The following CNN1 variants were observed in gnomAD, a reference collection of about 807,000 sequenced individuals.
The protein encoded by CNN1 is calponin-1.
CNN1 carries 21 observed loss-of-function variants against 35.3 expected under a neutral mutation model. The ratio of observed to expected loss-of-function variants is 0.60; its 90% CI spans 0.42 to 0.86. The LOEUF is 0.86. Among genes scored for constraint, CNN1 ranks in the 40% least tolerant of loss-of-function variants. The pLI, the probability that CNN1 is intolerant of heterozygous loss-of-function variation, is 0.00. For missense variants in CNN1, 314 were observed against 400.8 expected (o/e 0.78, Z 1.85); for synonymous variants, 164 against 161.8 (o/e 1.01, Z -0.10).
In CNN1 at chr19:11,539,882, G is replaced by A. The variant is rs1464885563; in HGVS notation, c.63+892G>A. ...CGCCGCCCTCCTCCCCCCCAGCGCC[G>A]GCCCCAGAGCCGCGCAGAGCCGCGC... is the stretch of plus-strand genomic sequence containing the variant. On this transcript the variant is annotated intron_variant, in intron 1 of 6. Coordinates refer to ENST00000252456, the MANE Select transcript of CNN1 (RefSeq NM_001299.6). 37 of 1,165,572 alleles carry A rather than the reference G, an allele frequency of 3.2e-5. No individual in the cohort carries two copies. In the South Asian group the frequency reaches 4.4e-4, roughly 14 times the overall value. 72.2% of individuals were successfully genotyped at this position (1,165,572 alleles called of 1,614,324 possible).
chr19:11,545,988 AAAAG>A (rs900020709), intron 2 of CNN1, among the ~76,000 whole-genome samples: 2 of 151,664 alleles, frequency 1.3e-5, no homozygotes, highest in Non-Finnish European at 2.9e-5. Context: ...AAAAGAAAAG[AAAAG>A]AAAAAAGAGG....
In CNN1 at chr19:11,549,539, A is replaced by G. The variant is rs750660497; in HGVS notation, c.649-11A>G. On this transcript the variant is annotated splice_polypyrimidine_tract_variant and intron_variant, in intron 6 of 6. Transcript: ENST00000252456. The surrounding 1 kb of genome is among the most constrained non-coding windows in gnomAD (Gnocchi z 5.2). ...GGCCACCCCACGGCCTGACCACACC[A>G]CCCTTCGCAGGCTGGCATGACTGCG... 15 of 1,597,376 alleles carry G rather than the reference A, an allele frequency of 9.4e-6. No individual in the cohort carries two copies. Among genetic ancestry groups the G allele is most frequent in the South Asian group, 1.1e-5 (1 of 89,934 alleles).
At chr19:11,541,031 A>T (rs1050631452) in intron 1 of CNN1, 45 bp from the exon 2 acceptor site, 1 of 1,551,852 alleles carries the variant, frequency 6.4e-7, no homozygotes, top group East Asian at 2.5e-5. Flanking sequence ...CCCCCAATGC[A>T]TCCTCACCCC....
At chr19:11,541,713 C>G (rs1972465389) in intron 2 of CNN1, among the ~76,000 whole-genome samples, 1 of 152,090 alleles carries the variant, frequency 6.6e-6, no homozygotes, top group Non-Finnish European at 1.5e-5. Flanking sequence ...CTCAGCCTCC[C>G]CAATAGCTGG....
chr19:11,550,207 AC>A lies in CNN1; in HGVS notation c.*413del, dbSNP rs1297771563. 1 of 183,444 alleles carries A rather than the reference AC, an allele frequency of 5.5e-6. No individual in the cohort carries two copies. The highest frequency in any genetic ancestry group is 2.4e-5 in the African/African-American group (1 of 42,454). The allele number at this position is 183,444 out of a possible 1,614,324, so 11.4% of individuals were successfully genotyped here. A position where few individuals can be genotyped will look rare whatever the true frequency, so the allele number is the denominator to read the frequency against. ...GCATGCCCAGAGACCCAGCGGACAC[AC>A]GCGGTTTGGTTTGCAGCGACTGGCA... On this transcript the variant is annotated 3_prime_UTR_variant, in exon 7 of 7. Coordinates refer to ENST00000252456, the MANE Select transcript of CNN1 (RefSeq NM_001299.6).
Position 11,547,847 on chromosome 19 carries a change from G to A in CNN1, c.441G>A (p.Lys147=), listed in dbSNP as rs1263468558. Residue 147 remains lysine (K), a synonymous_variant, in exon 5 of 7, where the codon AAG becomes AAA. Transcript: ENST00000252456. ...ACGTGGGAGTGAAGTACGCAGAGAAGCAGGAGCGGAAATTCGAGCCGGGGA... is the reference window on the plus strand; with the variant it reads ...ACGTGGGAGTGAAGTACGCAGAGAAACAGGAGCGGAAATTCGAGCCGGGGA... ...KVNVGVKYAE[K]QERKFEPGKL... 6.2e-7 allele frequency: 1 copy of A among 1,614,118 alleles called. No homozygotes were observed. The highest frequency in any genetic ancestry group is 8.5e-7 in the Non-Finnish European group (1 of 1,179,988).
intron 1 of CNN1, chr19:11,539,323 C>A: frequency 9.0e-7 from 1 of 1,106,354 alleles, no homozygotes; most frequent in Non-Finnish European, 1.1e-6. Context: ...TTTCCATATC[C>A]CCCGGCCTGA....
Position 11,549,683 on chromosome 19 carries a change from A to G in CNN1, c.782A>G (p.Tyr261Cys). The G allele has an allele frequency of 6.2e-7, 1 of 1,614,230 alleles. No homozygotes were observed. The highest frequency in any genetic ancestry group is 8.5e-7 in the Non-Finnish European group (1 of 1,180,032). Residue 261 changes from tyrosine to cysteine, a missense_variant, in exon 7 of 7, where the codon TAT becomes TGT. Coordinates refer to ENST00000252456, the MANE Select transcript of CNN1 (RefSeq NM_001299.6). This position sits in a 1 kb window ranked among gnomAD's most constrained non-coding sequence, Gnocchi z 5.2. ...KGASQRGMTV[Y>C]GLPRQVYDPK... Reference sequence around the variant, plus strand: ...GCCTCGCAGCGGGGCATGACGGTGTATGGGCTGCCACGCCAGGTCTACGAC... The same window carrying G: ...GCCTCGCAGCGGGGCATGACGGTGTGTGGGCTGCCACGCCAGGTCTACGAC...
At chr19:11,542,796 G>A (rs943281058) in intron 2 of CNN1, among the ~76,000 whole-genome samples, 2 of 151,826 alleles carry the variant, frequency 1.3e-5, no homozygotes, top group South Asian at 2.1e-4. Flanking sequence ...GGCTGGTCTC[G>A]AACCCCTGAC....
chr19:11,543,922 AAAAG>A (rs1972522632), intron 2 of CNN1, among the ~76,000 whole-genome samples: 1 of 152,198 alleles, frequency 6.6e-6, no homozygotes, highest in African/African-American at 2.4e-5. Context: ...AAGAAAAAAA[AAAAG>A]AGTGTAGTGC....
At chr19:11,541,415 ACT>A (rs1382482922) in intron 2 of CNN1, among the ~76,000 whole-genome samples, 1 of 152,034 alleles carries the variant, frequency 6.6e-6, no homozygotes, top group Non-Finnish European at 1.5e-5. Flanking sequence ...AAGGGAAATG[ACT>A]CTAGAATCTT....
At chr19:11,539,744 A>G (rs1972415865) in intron 1 of CNN1, 1 of 997,764 alleles carries the variant, frequency 1.0e-6, no homozygotes, top group Non-Finnish European at 1.3e-6. Context: ...GGCTTTTCCC[A>G]GGGTCCCATG....
intron 2 of CNN1, chr19:11,541,948 T>G (rs2145029860): frequency 7.3e-6 from 1 of 137,090 alleles, no homozygotes; most frequent in East Asian, 2.4e-4. Context: ...CCATGTTGAC[T>G]AGGCTGGTCT....
intron 2 of CNN1, among the ~76,000 whole-genome samples, 172 bp from the exon 3 acceptor site, chr19:11,546,503 T>G (rs1208287062): frequency 2.0e-5 from 3 of 152,070 alleles, no homozygotes; most frequent in East Asian, 1.9e-4. Flanking sequence ...GCCTGGCTAA[T>G]TTTTGTATTT....
At chr19:11,547,465 C>T (rs909184351) in intron 4 of CNN1, among the ~76,000 whole-genome samples, 4 of 151,760 alleles carry the variant, frequency 2.6e-5, no homozygotes, top group African/African-American at 9.7e-5. Flanking sequence ...AATCCCAGCA[C>T]TTTGGGAGGC....
At chr19:11,540,051 C>G (rs909821709) in intron 1 of CNN1, 2 of 1,042,434 alleles carry the variant, frequency 1.9e-6, no homozygotes, top group Admixed American at 5.3e-5. Flanking sequence ...CACCTCCCCC[C>G]ACTCACCCGG....
intron 4 of CNN1, among the ~76,000 whole-genome samples, chr19:11,547,468 TG>T (rs938962103): frequency 3.3e-5 from 5 of 151,566 alleles, no homozygotes; most frequent in Non-Finnish European, 7.4e-5. Context: ...CCCAGCACTT[TG>T]GGAGGCCGAG....
rs775632646 is a variant in CNN1 at position 11,547,011 on chromosome 19, TG to T, written c.390+45del. On this transcript the variant is annotated intron_variant, in intron 4 of 6. Coordinates refer to ENST00000252456, the MANE Select transcript of CNN1 (RefSeq NM_001299.6). Reference sequence around the variant, plus strand: ...GCTGGGCAGGGGGTGGTGGGCAGCCTGGGCTGGGATGCAGGTGTGGCCACTT... The same window carrying T: ...GCTGGGCAGGGGGTGGTGGGCAGCCTGGCTGGGATGCAGGTGTGGCCACTT... The T allele has an allele frequency of 4.4e-6, 7 of 1,609,122 alleles. No individual in the cohort carries two copies. In the Admixed American group the frequency reaches 1.0e-4, roughly 23 times the overall value.
At chr19:11,547,110 A>C (rs1972606348) in intron 4 of CNN1, 141 bp downstream of exon 4, 2 of 1,292,684 alleles carry the variant, frequency 1.5e-6, no homozygotes, top group Non-Finnish European at 2.2e-6. Flanking sequence ...AACAGCGTCC[A>C]AGGGGGCCGG....
Sources: allele counts gnomAD v4.1 joint callset (sites outside exome capture counted in the v4.1 genomes callset), GRCh38; gene constraint gnomAD v4.1.1; non-coding constraint Gnocchi (gnomAD v3.1); transcripts MANE v1.5; gene names NCBI Gene and HGNC (gene_info 2026-07-23, HGNC 2026-07-21).